The following SCYL2 variants were observed in gnomAD, a reference collection of about 807,000 sequenced individuals.
The protein encoded by SCYL2 is SCY1 like pseudokinase 2.
In SCYL2, 36 loss-of-function variants were observed where a neutral mutation model predicts 100.4. The ratio of observed to expected loss-of-function variants is 0.36; its 90% CI spans 0.27 to 0.47. The LOEUF (loss-of-function observed/expected upper bound fraction) is 0.47. Ranked by LOEUF, SCYL2 falls within the 20% of genes least tolerant of loss-of-function variation. SCYL2 has a pLI of 1.00. For missense variants in SCYL2, 902 were observed against 1,083.9 expected (o/e 0.83, Z 2.36); for synonymous variants, 330 against 359.2 (o/e 0.92, Z 0.92).
intron 9 of SCYL2, chr12:100,317,555 T>C (rs887024264): frequency 2.5e-6 from 2 of 794,292 alleles, no homozygotes; most frequent in South Asian, 3.6e-5. Flanking sequence ...GATAGATTAC[T>C]GTAGATATGT....
At chr12:100,281,019 G>GT (rs202048587) in intron 1 of SCYL2, among the ~76,000 whole-genome samples, 6,407 of 50,464 alleles carry the variant, frequency 0.13, 2,278 homozygotes, top group Non-Finnish European at 0.18. Context: ...TACCATCAGT[G>GT]TTTTTTTTTT....
At chr12:100,302,751 G>A (rs1842682309) in intron 4 of SCYL2, among the ~76,000 whole-genome samples, 1 of 152,140 alleles carries the variant, frequency 6.6e-6, no homozygotes, top group Non-Finnish European at 1.5e-5. Flanking sequence ...TTCTCAAGAA[G>A]TATCTTTGTG....
At chr12:100,317,749 T>C (rs928032435) in intron 9 of SCYL2, 54 bp from the exon 10 acceptor site, 64 of 1,535,360 alleles carry the variant, frequency 4.2e-5, no homozygotes, top group Non-Finnish European at 5.4e-5. Context: ...TTGGCATATA[T>C]TGAATCTTTT....
chr12:100,309,405 C>G (rs1054509776), intron 4 of SCYL2, among the ~76,000 whole-genome samples: 2 of 152,286 alleles, frequency 1.3e-5, no homozygotes, highest in Non-Finnish European at 1.5e-5. Context: ...CTTCCTGCCC[C>G]TGGCAACCAC....
chr12:100,298,031 G>A lies in SCYL2; in HGVS notation c.336G>A (p.Arg112=), dbSNP rs751682795. 47 of 1,602,316 alleles carry A rather than the reference G, an allele frequency of 2.9e-5. No homozygotes were observed. The African/African-American group carries it at 5.8e-4, about 20-fold the overall frequency. ...AATAACTTTTTCTTTTTTAAAACAG[G>A]GATTGCTTGGCATTTTGTACAGAAC... ...LTVQHPLEES[R]DCLAFCTEPV... Residue 112 remains arginine (R), a splice_region_variant and synonymous_variant, in exon 4 of 18, where the codon AGG becomes AGA. Coordinates refer to ENST00000360820, the MANE Select transcript of SCYL2 (RefSeq NM_017988.6).
chr12:100,337,695 G>A (rs1051917275), intron 17 of SCYL2, among the ~76,000 whole-genome samples, 189 bp downstream of exon 17: 2 of 152,120 alleles, frequency 1.3e-5, no homozygotes, highest in African/African-American at 4.8e-5. Context: ...ATAATGTTTT[G>A]TGACAATGCT....
intron 4 of SCYL2, among the ~76,000 whole-genome samples, chr12:100,303,172 T>C (rs976142413): frequency 8.5e-5 from 13 of 152,190 alleles, no homozygotes; most frequent in African/African-American, 3.1e-4. Context: ...GTTCCTAGCT[T>C]CCTTGCATTG....
chr12:100,267,746 G>A lies in SCYL2; in HGVS notation c.-75G>A, dbSNP rs2096280515. The A allele has an allele frequency of 6.6e-6, 1 of 152,412 alleles. No individual in the cohort carries two copies. The highest frequency in any genetic ancestry group is 1.5e-5 in the Non-Finnish European group (1 of 68,188). The allele number at this position is 152,412 out of a possible 1,614,324, so 9.4% of individuals were successfully genotyped here. A position where few individuals can be genotyped will look rare whatever the true frequency, so the allele number is the denominator to read the frequency against. ...CTCGAGAGCTCGGGTTTCGGTGGTGGAGAACGTAGTACCTTTCGGGGACAT... is the reference window on the plus strand; with the variant it reads ...CTCGAGAGCTCGGGTTTCGGTGGTGAAGAACGTAGTACCTTTCGGGGACAT... On this transcript the variant is annotated 5_prime_UTR_variant, in exon 1 of 18. It introduces an in-frame stop codon into an upstream open reading frame of the 5' UTR. Transcript: ENST00000360820.
chr12:100,291,518 G>T lies in SCYL2; in HGVS notation c.193G>T (p.Val65Phe), dbSNP rs78035233. Reference sequence around the variant, plus strand: ...TTTTATTTAGGAAGTGGCAGTTTTTGTCTTTGATAAAAAACTGATTGACAA... The same window carrying T: ...TTTTATTTAGGAAGTGGCAGTTTTTTTCTTTGATAAAAAACTGATTGACAA... ...KSTKQEVAVF[V>F]FDKKLIDKYQ... is the part of the protein sequence containing the mutation. The change falls in exon 3 of 18, where the codon GTC (valine) becomes TTC (phenylalanine). Residue 65 changes from valine to phenylalanine, a missense_variant. Coordinates refer to ENST00000360820, the MANE Select transcript of SCYL2 (RefSeq NM_017988.6). 1 of 1,554,044 alleles carries T rather than the reference G, an allele frequency of 6.4e-7. No individual in the cohort carries two copies. The highest frequency in any genetic ancestry group is 8.7e-7 in the Non-Finnish European group (1 of 1,153,536).
At position 100,339,072 on chromosome 12, in the gene SCYL2, A is replaced by G. The variant is rs1372650494; in HGVS notation, c.2690A>G (p.Gln897Arg). Reference sequence around the variant, plus strand: ...ATAGGACAATCTGCTTTTGGTATGCAGGGTAATCCTTTCTTTAACCCACAG... The same window carrying G: ...ATAGGACAATCTGCTTTTGGTATGCGGGGTAATCCTTTCTTTAACCCACAG... ...NVIGQSAFGM[Q>R]GNPFFNPQNF... is the part of the protein sequence containing the mutation. Residue 897 changes from glutamine (Q) to arginine (R), a missense_variant, in exon 18 of 18, where the codon CAG becomes CGG. By Grantham distance (43) the Gln-to-Arg change is conservative (BLOSUM62 1). Transcript: ENST00000360820. The G allele has an allele frequency of 2.5e-6, 4 of 1,614,116 alleles. No individual in the cohort carries two copies. Among genetic ancestry groups the G allele is most frequent in the Non-Finnish European group, 3.4e-6 (4 of 1,179,956 alleles).
At chr12:100,305,393 C>T (rs908917144) in intron 4 of SCYL2, among the ~76,000 whole-genome samples, 17 of 152,146 alleles carry the variant, frequency 1.1e-4, no homozygotes, top group African/African-American at 4.1e-4. Context: ...AGAACCTGCT[C>T]CTGAATGACT....
intron 4 of SCYL2, among the ~76,000 whole-genome samples, chr12:100,306,727 T>C (rs1447429475): frequency 6.6e-6 from 1 of 152,208 alleles, no homozygotes; most frequent in Non-Finnish European, 1.5e-5. Flanking sequence ...GCAGATGACA[T>C]GATGGTATAT....
intron 13 of SCYL2, among the ~76,000 whole-genome samples, chr12:100,330,330 T>G (rs1268226397): frequency 6.6e-6 from 1 of 152,066 alleles, no homozygotes; most frequent in African/African-American, 2.4e-5. Context: ...GTCCAAAGAT[T>G]ATTATGGAAT....
At chr12:100,324,677 G>A (rs1487671495) in intron 11 of SCYL2, among the ~76,000 whole-genome samples, 1 of 152,114 alleles carries the variant, frequency 6.6e-6, no homozygotes, top group East Asian at 1.9e-4. Flanking sequence ...ATAAAGTCAA[G>A]TTTTAGTTCT....
Position 100,323,567 on chromosome 12 carries a change from G to C in SCYL2, c.1438G>C (p.Asp480His). 1 of 1,605,594 alleles carries C rather than the reference G, an allele frequency of 6.2e-7. No homozygotes were observed. The highest frequency in any genetic ancestry group is 8.5e-7 in the Non-Finnish European group (1 of 1,175,272). The change falls in exon 11 of 18, where the codon GAC becomes CAC. Residue 480 changes from aspartate to histidine, a missense_variant. Transcript: ENST00000360820. Reference sequence around the variant, plus strand: ...CATTCCAACCTTTGCAAATCTTATAGACTACCCATCCATGAAAAACGCTTT... The same window carrying C: ...CATTCCAACCTTTGCAAATCTTATACACTACCCATCCATGAAAAACGCTTT... ...NIIPTFANLIDYPSMKNALIP... is the reference protein window; with the variant it reads ...NIIPTFANLIHYPSMKNALIP...
intron 4 of SCYL2, among the ~76,000 whole-genome samples, chr12:100,309,784 G>A (rs2096339855): frequency 6.6e-6 from 1 of 152,126 alleles, no homozygotes; most frequent in Non-Finnish European, 1.5e-5. Flanking sequence ...GTTCTTTGCA[G>A]TATCTACCCA....
chr12:100,313,477 A>G lies in SCYL2; in HGVS notation c.908A>G (p.His303Arg). The change falls in exon 7 of 18, where the codon CAT becomes CGT. Residue 303 changes from histidine (H) to arginine (R), a missense_variant. Physicochemically the swap from His to Arg is conservative, Grantham distance 29. Transcript: ENST00000360820. ...LTNIPEEVRE[H>R]VKLLLNVTPT... Reference sequence around the variant, plus strand: ...AATATACCTGAGGAAGTTCGTGAACATGTAAAGCTACTGTTAAATGTAACT... The same window carrying G: ...AATATACCTGAGGAAGTTCGTGAACGTGTAAAGCTACTGTTAAATGTAACT... The G allele has an allele frequency of 2.5e-6, 4 of 1,611,810 alleles. No homozygotes were observed. The highest frequency in any genetic ancestry group is 2.7e-5 in the African/African-American group (2 of 74,980).
intron 1 of SCYL2, among the ~76,000 whole-genome samples, chr12:100,281,858 C>G (rs1332591477): frequency 6.7e-6 from 1 of 149,000 alleles, no homozygotes; most frequent in Non-Finnish European, 1.5e-5. Flanking sequence ...AAAGAAAGTA[C>G]AAATTTATTG....
intron 10 of SCYL2, among the ~76,000 whole-genome samples, chr12:100,318,290 C>A (rs1431285524): frequency 2.0e-5 from 3 of 150,258 alleles, no homozygotes; most frequent in African/African-American, 7.3e-5. Context: ...TAATTATGAA[C>A]AAAAATTCCG....
Sources: gnomAD v4.1 joint callset for allele counts (sites outside exome capture counted in the v4.1 genomes callset) on GRCh38, gnomAD v4.1.1 for gene constraint, MANE v1.5 for transcripts, NCBI Gene and HGNC (gene_info 2026-07-23, HGNC 2026-07-21) for gene names.